The following EFNA5 variants were observed in gnomAD, a reference collection of about 807,000 sequenced individuals.
EFNA5 encodes ephrin A5, also known as ephrin-A5.
A neutral mutation model predicts 22.9 loss-of-function variants in EFNA5; 5 were observed. The observed-to-expected ratio is 0.22, with a 90% CI of 0.11 to 0.46. The LOEUF (loss-of-function observed/expected upper bound fraction) is 0.46, where lower values mean the gene tolerates loss of function less well. EFNA5 is among the 20% of genes least tolerant of loss of function. The pLI is 0.99. For missense variants in EFNA5, 237 were observed against 293.3 expected (o/e 0.81, Z 1.40); for synonymous variants, 113 against 112.2 (o/e 1.01, Z -0.04).
rs1288954704 is a variant in EFNA5 at position 107,397,888 on chromosome 5, G to A, written c.419-10117C>T. ...TGGAGAAAAGGACAGCCAATCTCAG[G>A]GACTAAATTCTAGTTTACTCTGATT... On this transcript the variant is annotated intron_variant, in intron 2 of 4. Coordinates refer to ENST00000333274, the MANE Select transcript of EFNA5 (RefSeq NM_001962.3). Among the ~76,000 whole-genome samples the A allele has an allele frequency of 2.6e-5, 4 of 152,072 alleles. No homozygotes were observed. In the East Asian group the frequency reaches 7.7e-4, roughly 29 times the overall value.
intron 2 of EFNA5, among the ~76,000 whole-genome samples, chr5:107,391,329 A>G (rs1254359462): frequency 6.6e-6 from 1 of 152,194 alleles, no homozygotes; most frequent in Admixed American, 6.5e-5. Flanking sequence ...TCCATGTGAC[A>G]ACTGAGGTTT....
intron 1 of EFNA5, among the ~76,000 whole-genome samples, chr5:107,567,588 C>T (rs569449695): frequency 9.9e-5 from 15 of 152,072 alleles, no homozygotes; most frequent in Admixed American, 2.6e-4. Flanking sequence ...TTGGGATGTC[C>T]GAAACTAAGA....
chr5:107,442,838 T>C (rs1351857353), intron 1 of EFNA5, among the ~76,000 whole-genome samples: 2 of 151,188 alleles, frequency 1.3e-5, no homozygotes, highest in African/African-American at 4.9e-5. Context: ...GACAAATTAC[T>C]TCTTCTTTCT....
intron 1 of EFNA5, among the ~76,000 whole-genome samples, chr5:107,550,092 T>C (rs562342403): frequency 2.0e-5 from 3 of 152,316 alleles, no homozygotes; most frequent in African/African-American, 7.2e-5. Context: ...AAGAAAACTG[T>C]AAAATAGCTG....
intron 1 of EFNA5, among the ~76,000 whole-genome samples, chr5:107,591,752 C>T (rs898080578): frequency 7.1e-6 from 1 of 140,144 alleles, no homozygotes; most frequent in African/African-American, 2.7e-5. Context: ...CCCTGGGAGG[C>T]GGAAGTTGCA....
intron 1 of EFNA5, among the ~76,000 whole-genome samples, chr5:107,597,894 T>C (rs1749508234): frequency 6.6e-6 from 1 of 152,118 alleles, no homozygotes. Flanking sequence ...CCTAATGAAC[T>C]GCCAGAAAAA....
At chr5:107,420,171 C>T (rs1051545990) in intron 2 of EFNA5, among the ~76,000 whole-genome samples, 4 of 152,046 alleles carry the variant, frequency 2.6e-5, no homozygotes, top group African/African-American at 9.7e-5. Flanking sequence ...GCATAATGCT[C>T]CTTAAGAATA....
intron 1 of EFNA5, among the ~76,000 whole-genome samples, chr5:107,619,467 CT>C (rs1164694386): frequency 2.4e-3 from 342 of 142,242 alleles, no homozygotes; most frequent in Middle Eastern, 7.1e-3. Context: ...GCTGGACTTT[CT>C]TTTTTTTTTT....
chr5:107,465,268 A>G lies in EFNA5; in HGVS notation c.126-37759T>C, dbSNP rs575289912. Among the ~76,000 whole-genome samples the G allele has an allele frequency of 2.0e-5, 3 of 152,304 alleles. No individual in the cohort carries two copies. The East Asian group carries it at 5.8e-4, about 29-fold the overall frequency. ...TTTTCTTGCATACTGGAAAGAGTGA[A>G]CATCAACATTTTAAGCCTCTAAAGA... On this transcript the variant is annotated intron_variant, in intron 1 of 4. Coordinates refer to ENST00000333274, the MANE Select transcript of EFNA5 (RefSeq NM_001962.3).
intron 1 of EFNA5, among the ~76,000 whole-genome samples, chr5:107,632,716 T>C (rs905405895): frequency 6.6e-6 from 1 of 152,172 alleles, no homozygotes; most frequent in Non-Finnish European, 1.5e-5. Context: ...TGCCTCTCCT[T>C]AGCAAGCCTA....
chr5:107,472,244 G>A (rs1249041289), intron 1 of EFNA5, among the ~76,000 whole-genome samples: 2 of 152,108 alleles, frequency 1.3e-5, no homozygotes, highest in East Asian at 3.9e-4. Flanking sequence ...AGTCAAACCA[G>A]TACTTCCAAA....
Position 107,478,248 on chromosome 5 carries a change from G to A in EFNA5, c.126-50739C>T, listed in dbSNP as rs200002965. Among the ~76,000 whole-genome samples, 25 of 152,242 alleles carry A rather than the reference G, an allele frequency of 1.6e-4. No individual in the cohort carries two copies. The East Asian group carries it at 4.8e-3, about 29-fold the overall frequency. ...GACTTCTACGGAGAAAGAGGAGGCAGGCAAGAGATCCATAGTCATAAAGAC... is the reference window on the plus strand; with the variant it reads ...GACTTCTACGGAGAAAGAGGAGGCAAGCAAGAGATCCATAGTCATAAAGAC... On this transcript the variant is annotated intron_variant, in intron 1 of 4. Coordinates refer to ENST00000333274, the MANE Select transcript of EFNA5 (RefSeq NM_001962.3).
chr5:107,659,479 G>C (rs1433927877), intron 1 of EFNA5, among the ~76,000 whole-genome samples: 1 of 143,998 alleles, frequency 6.9e-6, no homozygotes, highest in South Asian at 2.2e-4. Flanking sequence ...CTAAAAGTTT[G>C]AGTTTTTTGG....
At chr5:107,537,484 A>G (rs1315754791) in intron 1 of EFNA5, among the ~76,000 whole-genome samples, 3 of 152,068 alleles carry the variant, frequency 2.0e-5, no homozygotes, top group African/African-American at 7.2e-5. Flanking sequence ...CTGTAATCCC[A>G]GCTACTTGGG....
intron 1 of EFNA5, among the ~76,000 whole-genome samples, chr5:107,516,174 T>TGTGTG (rs1747473405): frequency 7.2e-6 from 1 of 139,512 alleles, no homozygotes; most frequent in Non-Finnish European, 1.5e-5. Flanking sequence ...CTGGCTAGTT[T>TGTGTG]TGTGTGTGTG....
intron 2 of EFNA5, among the ~76,000 whole-genome samples, chr5:107,391,206 T>A (rs1251900999): frequency 2.0e-5 from 3 of 152,204 alleles, no homozygotes; most frequent in Admixed American, 1.3e-4. Context: ...AGCTTCTTTA[T>A]TAGGTGCTGT....
At chr5:107,630,291 T>C (rs1750222190) in intron 1 of EFNA5, among the ~76,000 whole-genome samples, 1 of 152,176 alleles carries the variant, frequency 6.6e-6, no homozygotes, top group African/African-American at 2.4e-5. Flanking sequence ...TTTACCACTG[T>C]GTGAAAGTCA....
At chr5:107,546,944 T>C (rs1380059885) in intron 1 of EFNA5, among the ~76,000 whole-genome samples, 1 of 152,164 alleles carries the variant, frequency 6.6e-6, no homozygotes, top group African/African-American at 2.4e-5. Context: ...TGAATTGATA[T>C]TTGCTAAGGC....
At chr5:107,657,309 A>G (rs1390452783) in intron 1 of EFNA5, among the ~76,000 whole-genome samples, 1 of 152,146 alleles carries the variant, frequency 6.6e-6, no homozygotes, top group African/African-American at 2.4e-5. Context: ...AGCATATAGC[A>G]TAGTTCTTTT....
Sources: allele counts gnomAD v4.1 joint callset (sites outside exome capture counted in the v4.1 genomes callset), GRCh38; gene constraint gnomAD v4.1.1; transcripts MANE v1.5; gene names NCBI Gene and HGNC (gene_info 2026-07-23, HGNC 2026-07-21).